The following ART3 variants were observed in gnomAD, a reference collection of about 807,000 sequenced individuals.
The protein encoded by ART3 is ecto-ADP-ribosyltransferase 3.
ART3 carries 49 observed loss-of-function variants against 48.5 expected under a neutral mutation model. The ratio of observed to expected loss-of-function variants is 1.01; its 90% CI spans 0.80 to 1.28. The LOEUF is 1.28. Ranked by LOEUF, ART3 falls within the 50% of genes most tolerant of loss-of-function variation. ART3 has a pLI of 0.00. For missense variants in ART3, 438 were observed against 454.3 expected, an observed-to-expected ratio of 0.96 and a Z score of 0.33; for synonymous variants, 145 against 157.2, an observed-to-expected ratio of 0.92 and a Z score of 0.58.
chr4:76,107,304 C>T (rs1255136103), intron 10 of ART3: 1 of 152,414 alleles, frequency 6.6e-6, no homozygotes, highest in Non-Finnish European at 1.5e-5. Context: ...CCAGTTACCC[C>T]CGTGATTTTA....
intron 1 of ART3, among the ~76,000 whole-genome samples, chr4:76,062,720 C>G (rs890236824): frequency 6.6e-6 from 1 of 151,946 alleles, no homozygotes; most frequent in Non-Finnish European, 1.5e-5. Flanking sequence ...GCCACCATGC[C>G]TGGCTAATTT....
At chr4:76,074,914 A>T (rs539160394) in intron 1 of ART3, 95 bp downstream of exon 1, 8 of 152,340 alleles carry the variant, frequency 5.3e-5, no homozygotes, top group African/African-American at 1.9e-4. Flanking sequence ...TTGCCTTGTG[A>T]CAGATATCTA....
intron 1 of ART3, chr4:76,041,385 ATCCTT>A (rs1174208381): frequency 6.6e-6 from 1 of 152,154 alleles, no homozygotes; most frequent in African/African-American, 2.4e-5. Context: ...CCTCTTTTGA[ATCCTT>A]TCCTTCGTTT....
chr4:76,040,522 C>T lies in ART3; in HGVS notation c.-10+29202C>T, dbSNP rs555479199. Among the ~76,000 whole-genome samples, 39 of 82,276 alleles carry T rather than the reference C, an allele frequency of 4.7e-4. 1 individual carries two copies. The South Asian group carries it at 0.012, about 26-fold the overall frequency. 54.0% of individuals were successfully genotyped at this position (82,276 alleles called of 152,430 possible). Reference sequence around the variant, plus strand: ...CTATATCAGACTATATCAGGTTCTCCCCCCCGCCCCCTCCATGTGTCAGGG... The same window carrying T: ...CTATATCAGACTATATCAGGTTCTCTCCCCCGCCCCCTCCATGTGTCAGGG... On this transcript the variant is annotated intron_variant, in intron 1 of 9. Coordinates refer to the ART3 transcript ENST00000341029.
In ART3 at chr4:76,030,619, C is replaced by T. The variant is rs564487523; in HGVS notation, c.-10+19299C>T. Among the ~76,000 whole-genome samples, 190 of 152,314 alleles carry T rather than the reference C, an allele frequency of 1.2e-3. 1 individual carries two copies. Among genetic ancestry groups the T allele is most frequent in the Middle Eastern group, 3.4e-3 (1 of 294 alleles). Reference sequence around the variant, plus strand: ...TTTCATCACCCAGAAACTCCATACTCATTAAGTAGTTACTCCTCATTAACA... The same window carrying T: ...TTTCATCACCCAGAAACTCCATACTTATTAAGTAGTTACTCCTCATTAACA... On this transcript the variant is annotated intron_variant, in intron 1 of 9. Coordinates refer to the ART3 transcript ENST00000341029.
At chr4:76,080,958 T>C (rs1248341630) in intron 2 of ART3, among the ~76,000 whole-genome samples, 1 of 152,210 alleles carries the variant, frequency 6.6e-6, no homozygotes, top group East Asian at 1.9e-4. Flanking sequence ...CTGCTTCTTA[T>C]GTTATGTGAA....
chr4:76,069,953 A>G (rs1047625481), upstream of ART3, among the ~76,000 whole-genome samples: 16 of 152,228 alleles, frequency 1.1e-4, no homozygotes, highest in African/African-American at 3.6e-4. Flanking sequence ...CCCAAGATAT[A>G]TGCCTAGGAG....
chr4:76,022,086 G>A, intron 1 of ART3: 1 of 871,266 alleles, frequency 1.1e-6, no homozygotes, highest in East Asian at 2.4e-5. Flanking sequence ...GGATTATAGG[G>A]GTTGCTTTTT....
At chr4:76,107,988 A>G (rs1000024629) in intron 11 of ART3, among the ~76,000 whole-genome samples, 195 bp downstream of exon 11, 10 of 152,034 alleles carry the variant, frequency 6.6e-5, no homozygotes, top group Non-Finnish European at 1.3e-4. Context: ...TGTTTTTTCG[A>G]TAATCGTTTT....
chr4:76,035,283 T>C, intron 1 of ART3: 2 of 1,614,108 alleles, frequency 1.2e-6, no homozygotes, highest in African/African-American at 1.3e-5. Flanking sequence ...TCTGCCACTT[T>C]CACTGCTTTT....
intron 1 of ART3, among the ~76,000 whole-genome samples, chr4:76,039,438 C>A (rs902625231): frequency 4.6e-5 from 7 of 152,168 alleles, no homozygotes; most frequent in Admixed American, 4.6e-4. Context: ...TTATCAGTGT[C>A]CTTTCCTGAA....
chr4:76,090,843 A>G (rs143701455), intron 3 of ART3, among the ~76,000 whole-genome samples: 2 of 152,376 alleles, frequency 1.3e-5, no homozygotes, highest in African/African-American at 4.8e-5. Flanking sequence ...AATCAAGACA[A>G]TGAGCATTTT....
At chr4:76,106,889 G>A (rs1238864440) in intron 10 of ART3, among the ~76,000 whole-genome samples, 1 of 152,156 alleles carries the variant, frequency 6.6e-6, no homozygotes, top group African/African-American at 2.4e-5. Context: ...CAAGATGACG[G>A]TGCTCCTGCT....
At chr4:76,064,356 G>T (rs897142494) in intron 1 of ART3, among the ~76,000 whole-genome samples, 2 of 152,170 alleles carry the variant, frequency 1.3e-5, no homozygotes, top group African/African-American at 4.8e-5. Context: ...CAAAAGTGAG[G>T]CATGATTTTA....
intron 4 of ART3, among the ~76,000 whole-genome samples, chr4:76,097,974 A>G (rs1726392886): frequency 1.3e-5 from 2 of 152,164 alleles, no homozygotes; most frequent in African/African-American, 4.8e-5. Flanking sequence ...CTGACCTTAT[A>G]GGAGTTTAAG....
At chr4:76,040,181 T>C (rs6833788) in intron 1 of ART3, among the ~76,000 whole-genome samples, 92,545 of 151,616 alleles carry the variant, frequency 0.61, 29,290 homozygotes, top group East Asian at 0.94. Flanking sequence ...AAAAATCAGC[T>C]GGGTATGGTG....
rs908514520 is a variant in ART3, at chr4:76,044,576, CTCTT to C, written c.-9-31297_-9-31294del. ...ACTGTTTTTTCTTTACTACTTCCAT[CTCTT>C]TCTTTCTCTCTTCAACTTCTTTGTC... On this transcript the variant is annotated intron_variant, in intron 1 of 9. Transcript: ENST00000341029. Among the ~76,000 whole-genome samples, 16 of 151,912 alleles carry C rather than the reference CTCTT, an allele frequency of 1.1e-4. 1 individual carries two copies. Among genetic ancestry groups the C allele is most frequent in the Non-Finnish European group, 4.4e-5 (3 of 67,920 alleles).
intron 1 of ART3, among the ~76,000 whole-genome samples, chr4:76,042,102 C>T (rs1185719951): frequency 6.6e-6 from 1 of 152,110 alleles, no homozygotes; most frequent in Non-Finnish European, 1.5e-5. Context: ...ATCTAGTTTC[C>T]ATAAGTAATC....
At chr4:76,081,201 T>TAAAGAATAACTGTTGGAAG (rs1334796319) in intron 2 of ART3, among the ~76,000 whole-genome samples, 1 of 152,200 alleles carries the variant, frequency 6.6e-6, no homozygotes, top group Non-Finnish European at 1.5e-5. Flanking sequence ...TCCATGGGAC[T>TAAAGAATAACTGTTGGAAG]AAAGAATAAC....
Sources: gnomAD v4.1 joint callset for allele counts (sites outside exome capture counted in the v4.1 genomes callset) on GRCh38, gnomAD v4.1.1 for gene constraint, MANE v1.5 for transcripts, NCBI Gene and HGNC (gene_info 2026-07-23, HGNC 2026-07-21) for gene names.